EXD1: variants seen among roughly 807,000 people sequenced by gnomAD.
EXD1 encodes the protein exonuclease 3'-5' domain containing 1, also known as piRNA biogenesis protein EXD1.
In EXD1, 63 loss-of-function variants were observed where a neutral mutation model predicts 49.1. The observed-to-expected ratio is 1.28, with a 90% confidence interval of 1.05 to 1.58. EXD1 has a LOEUF of 1.58. Among genes scored for constraint, EXD1 ranks in the 40% most tolerant of loss-of-function variants. EXD1 has a pLI of 0.00. For missense variants in EXD1, 748 were observed against 666.0 expected, an observed-to-expected ratio of 1.12 and a Z score of -1.36; for synonymous variants, 234 against 239.2, an observed-to-expected ratio of 0.98 and a Z score of 0.20.
chr15:41,226,428 G>A lies in EXD1; in HGVS notation c.133+15C>T, dbSNP rs1388733556. On this transcript the variant is annotated intron_variant, in intron 2 of 11. Transcript: ENST00000458580. ...TCTCTTAAAAGGCAGAACATTATAA[G>A]AAATAGAACAAGACCTTTCTTCAGG... 6.5e-7 allele frequency: 1 copy of A among 1,535,500 alleles called. No individual in the cohort carries two copies. Among genetic ancestry groups the A allele is most frequent in the Admixed American group, 2.0e-5 (1 of 50,910 alleles).
At chr15:41,190,973 G>A (rs1287892593) in intron 10 of EXD1, among the ~76,000 whole-genome samples, 1 of 151,916 alleles carries the variant, frequency 6.6e-6, no homozygotes, top group Non-Finnish European at 1.5e-5. Flanking sequence ...GAGTGCAGTG[G>A]CACGATCTCA....
At chr15:41,199,030 C>G (rs1040949600) in intron 7 of EXD1, among the ~76,000 whole-genome samples, 1 of 151,566 alleles carries the variant, frequency 6.6e-6, no homozygotes, top group African/African-American at 2.4e-5. Context: ...ATGGCATGAT[C>G]TCGGCTCACT....
At chr15:41,185,570 G>C (rs190117311) in intron 11 of EXD1, among the ~76,000 whole-genome samples, 2 of 152,176 alleles carry the variant, frequency 1.3e-5, no homozygotes, top group East Asian at 3.9e-4. Context: ...CTGAAGTACA[G>C]TGGTGTGATC....
intron 9 of EXD1, among the ~76,000 whole-genome samples, chr15:41,194,073 G>T (rs1228091680): frequency 7.1e-6 from 1 of 141,304 alleles, no homozygotes; most frequent in Non-Finnish European, 1.5e-5. Flanking sequence ...GTGCAGTGGT[G>T]CAATCTTAGC....
chr15:41,192,595 T>TG (rs1491521218), intron 9 of EXD1, among the ~76,000 whole-genome samples: 34 of 13,068 alleles, frequency 2.6e-3, no homozygotes, highest in African/African-American at 8.5e-3. Context: ...GCGCCAGGCA[T>TG]TTTTTTTTTT....
At chr15:41,190,742 C>A (rs1228251634) in intron 10 of EXD1, among the ~76,000 whole-genome samples, 1 of 152,026 alleles carries the variant, frequency 6.6e-6, no homozygotes, top group African/African-American at 2.4e-5. Context: ...ACAATTATGA[C>A]CTAAGTTTGC....
chr15:41,223,759 G>T (rs1266168647), intron 2 of EXD1, among the ~76,000 whole-genome samples: 2 of 151,616 alleles, frequency 1.3e-5, no homozygotes, highest in South Asian at 2.1e-4. Context: ...CAGCTACTTG[G>T]GAGTCTGAGG....
chr15:41,218,471 A>G (rs2047036096), intron 3 of EXD1, among the ~76,000 whole-genome samples: 1 of 147,668 alleles, frequency 6.8e-6, no homozygotes, highest in South Asian at 2.2e-4. Context: ...TTAGCGACAA[A>G]GTAAGAATCC....
At chr15:41,219,247 T>C (rs2047050969) in intron 3 of EXD1, among the ~76,000 whole-genome samples, 1 of 152,168 alleles carries the variant, frequency 6.6e-6, no homozygotes, top group African/African-American at 2.4e-5. Flanking sequence ...GGCTGCTTCC[T>C]GCCATTCCAA....
chr15:41,197,467 C>G (rs2046634288), intron 7 of EXD1, among the ~76,000 whole-genome samples: 1 of 150,596 alleles, frequency 6.6e-6, no homozygotes, highest in South Asian at 2.1e-4. Context: ...GATCTCCTGA[C>G]CTCCACCCAT....
chr15:41,190,286 A>G lies in EXD1; in HGVS notation c.865-158T>C, dbSNP rs1230453970. The G allele has an allele frequency of 2.5e-5, 17 of 675,754 alleles. No homozygotes were observed. The Admixed American group carries it at 3.7e-4, about 15-fold the overall frequency. The allele number at this position is 675,754 out of a possible 1,614,324, so 41.9% of individuals were successfully genotyped here. A position where few individuals can be genotyped will look rare whatever the true frequency, so the allele number is the denominator to read the frequency against. ...TCAAGACATCAAGACCATCCTGGCC[A>G]ACAAGGTGAAACCCCATCTCTACTA... On this transcript the variant is annotated intron_variant, in intron 10 of 11. Transcript: ENST00000458580.
chr15:41,224,092 A>C lies in EXD1; in HGVS notation c.133+2351T>G, dbSNP rs2047128224. ...GTAGCTGGGATTACAGGTGCCCGCC[A>C]CCATGCCCGGCTAATTTTGTATTTT... On this transcript the variant is annotated intron_variant, in intron 2 of 11. Transcript: ENST00000458580. Among the ~76,000 whole-genome samples, 7 of 151,950 alleles carry C rather than the reference A, an allele frequency of 4.6e-5. No individual in the cohort carries two copies. In the South Asian group the frequency reaches 1.5e-3, roughly 32 times the overall value.
chr15:41,215,814 G>C lies in EXD1; in HGVS notation c.408C>G (p.Tyr136Ter). Residue 136 changes from tyrosine (Y) to a stop codon, truncating the protein, a stop_gained, in exon 6 of 12, where the codon TAC (tyrosine) becomes TAG (stop). Coordinates refer to ENST00000458580, the MANE Select transcript of EXD1 (RefSeq NM_001286441.2). LOFTEE classifies it high-confidence loss of function. ...TCTGCTGGAATTGATTAATGACTGTGTATGTCACCTCCTCTTCCTCTACAA... is the reference window on the plus strand; with the variant it reads ...TCTGCTGGAATTGATTAATGACTGTCTATGTCACCTCCTCTTCCTCTACAA... ...YSPSEEEEVTYTVINQFQQKF... is the reference protein window; with the variant it reads ...YSPSEEEEVT 1 of 1,613,994 alleles carries C rather than the reference G, an allele frequency of 6.2e-7. No individual in the cohort carries two copies. The highest frequency in any genetic ancestry group is 8.5e-7 in the Non-Finnish European group (1 of 1,179,936).
At chr15:41,196,595 T>A (rs891619763) in intron 7 of EXD1, among the ~76,000 whole-genome samples, 4 of 151,344 alleles carry the variant, frequency 2.6e-5, no homozygotes, top group African/African-American at 9.7e-5. Context: ...GGATTACATG[T>A]GTGAGCGTCC....
At chr15:41,225,893 A>G (rs2047156430) in intron 2 of EXD1, among the ~76,000 whole-genome samples, 1 of 131,138 alleles carries the variant, frequency 7.6e-6, no homozygotes, top group African/African-American at 3.8e-5. Context: ...TCAAAAAACA[A>G]AACAAAACAA....
chr15:41,215,860 T>C (rs199630693), intron 5 of EXD1, 27 bp from the exon 6 acceptor site: 2 of 1,607,454 alleles, frequency 1.2e-6, no homozygotes, highest in Admixed American at 1.7e-5. Flanking sequence ...GCATTAGATA[T>C]ATTTCTCTTC....
At position 41,184,314 on chromosome 15, in the gene EXD1, G is replaced by A. The variant is rs2140787131; in HGVS notation, c.1336C>T (p.Gln446Ter). The A allele has an allele frequency of 6.2e-7, 1 of 1,614,164 alleles. No individual in the cohort carries two copies. The highest frequency in any genetic ancestry group is 8.5e-7 in the Non-Finnish European group (1 of 1,180,026). ...GGTAGATGTTGAGGATTTGTAGCTT[G>A]TTTATTCAAAGATTCTTCTTTCAGT... Reference protein sequence around the residue: ...NLLKEESLNKQATNPQHLPPT... With the variant: ...NLLKEESLNK Residue 446 changes from glutamine to a stop codon, truncating the protein, a stop_gained, in exon 12 of 12, where the codon CAA becomes TAA. Transcript: ENST00000458580. LOFTEE classifies it low-confidence loss of function (END_TRUNC).
intron 11 of EXD1, 130 bp downstream of exon 11, chr15:41,189,806 GC>G: frequency 1.3e-6 from 1 of 798,272 alleles, no homozygotes; most frequent in East Asian, 2.5e-5. Context: ...CCAAGCTGTT[GC>G]CCCTTCAAGA....
intron 7 of EXD1, among the ~76,000 whole-genome samples, chr15:41,197,130 T>C (rs1393974124): frequency 6.6e-6 from 1 of 151,954 alleles, no homozygotes; most frequent in African/African-American, 2.4e-5. Flanking sequence ...CCACCACATC[T>C]TCACTTTTAA....
Sources: gnomAD v4.1 joint callset for allele counts (sites outside exome capture counted in the v4.1 genomes callset) on GRCh38, gnomAD v4.1.1 for gene constraint, MANE v1.5 for transcripts, NCBI Gene and HGNC (gene_info 2026-07-23, HGNC 2026-07-21) for gene names.